The following LAMA2 variants were observed in gnomAD, a reference collection of about 807,000 sequenced individuals.
The protein encoded by LAMA2 is laminin subunit alpha-2.
A neutral mutation model predicts 364.8 loss-of-function variants in LAMA2; 269 were observed. The ratio of observed to expected loss-of-function variants is 0.74; its 90% CI spans 0.67 to 0.82. LAMA2 has a LOEUF of 0.82. Among genes scored for constraint, LAMA2 ranks in the 40% least tolerant of loss-of-function variants. LAMA2 has a pLI of 0.00. For missense variants in LAMA2, 3,807 were observed against 3,873.2 expected (o/e 0.98, Z 0.45); for synonymous variants, 1,379 against 1,370.6 (o/e 1.01, Z -0.14).
Position 129,297,856 on chromosome 6 carries a change from G to C in LAMA2, c.3028G>C (p.Gly1010Arg). Reference protein sequence around the residue: ...AHGYFNFQEGGCTACECSHLG... With the variant: ...AHGYFNFQEGRCTACECSHLG... ...CGGCTATTTCAACTTCCAAGAAGGA[G>C]GCTGCACAGGTCTGTAAATATGACT... The change falls in exon 21 of 65, where the codon GGC becomes CGC. Residue 1010 changes from glycine (G) to arginine (R), a missense_variant. This residue lies in a region of LAMA2 where 3,333 missense variants were observed against 3,345.7 expected (regional missense o/e 1.00). Transcript: ENST00000421865. The C allele has an allele frequency of 6.2e-7, 1 of 1,613,614 alleles. No individual in the cohort carries two copies. Among genetic ancestry groups the C allele is most frequent in the Non-Finnish European group, 8.5e-7 (1 of 1,179,772 alleles).
chr6:129,330,185 G>C (rs756574809), intron 29 of LAMA2, among the ~76,000 whole-genome samples: 17 of 151,818 alleles, frequency 1.1e-4, no homozygotes, highest in Admixed American at 2.6e-4. Flanking sequence ...AATAATAATA[G>C]ATAGTAATAA....
Position 129,059,809 on chromosome 6 carries a change from T to C in LAMA2, c.309T>C (p.Ile103=). 1 of 1,608,808 alleles carries C rather than the reference T, an allele frequency of 6.2e-7. No homozygotes were observed. Among genetic ancestry groups the C allele is most frequent in the Non-Finnish European group, 8.5e-7 (1 of 1,175,200 alleles). Residue 103 remains isoleucine (I), a synonymous_variant, in exon 3 of 65, where the codon ATT becomes ATC. Transcript: ENST00000421865. ...PNQRHPITNA[I]DGKNTWWQSP... ...AGAGACACCCGATTACAAATGCTAT[T>C]GATGGAAAGAACACTTGGTGGCAGA...
In LAMA2 at chr6:129,473,177, C is replaced by T. The variant is rs1177344966; in HGVS notation, c.7301-37C>T. On this transcript the variant is annotated intron_variant, in intron 51 of 64. Transcript: ENST00000421865. The stretch of plus-strand genomic sequence containing the variant: ...GATGATATAGATGTGGTTGATATTG[C>T]TCAAATAAAATGTTAAACTTTCTTT... 11 of 1,521,030 alleles carry T rather than the reference C, an allele frequency of 7.2e-6. No individual in the cohort carries two copies. The South Asian group carries it at 1.2e-4, about 17-fold the overall frequency. The allele number at this position is 1,521,030 out of a possible 1,614,324, so 94.2% of individuals were successfully genotyped here.
At chr6:129,168,132 G>A (rs1441149959) in intron 9 of LAMA2, among the ~76,000 whole-genome samples, 3 of 141,352 alleles carry the variant, frequency 2.1e-5, no homozygotes, top group South Asian at 4.7e-4. Flanking sequence ...CACTCTGATG[G>A]TAGTTTCTTT....
At chr6:129,501,178 G>C (rs953489301) in intron 58 of LAMA2, among the ~76,000 whole-genome samples, 7 of 152,184 alleles carry the variant, frequency 4.6e-5, no homozygotes, top group Admixed American at 4.6e-4. Context: ...TCTATTAATA[G>C]AAGTATTCAT....
intron 34 of LAMA2, among the ~76,000 whole-genome samples, chr6:129,382,707 C>A (rs368449678): frequency 6.6e-6 from 1 of 152,158 alleles, no homozygotes; most frequent in Non-Finnish European, 1.5e-5. Flanking sequence ...AGGCAGACAG[C>A]CTGTTTGTCT....
At chr6:129,252,359 G>A in intron 14 of LAMA2, 64 bp downstream of exon 14, 2 of 1,257,410 alleles carry the variant, frequency 1.6e-6, no homozygotes, top group Non-Finnish European at 2.3e-6. Flanking sequence ...TGCAGGAGCC[G>A]CCCCAGGAGT....
In LAMA2 at chr6:129,478,763, A is replaced by G; in HGVS notation, c.7522A>G (p.Ile2508Val). ...TGAAATTTCAAGAACTCCGTACAAT[A>G]TACTCAGTAGTCCCGATTATGTTGG... ...DIEISRTPYNILSSPDYVGVT... is the reference protein window; with the variant it reads ...DIEISRTPYNVLSSPDYVGVT... Residue 2508 changes from isoleucine (I) to valine (V), a missense_variant, in exon 54 of 65, where the codon ATA (isoleucine) becomes GTA (valine). By Grantham distance (29) the Ile-to-Val change is conservative. Around this residue, in one of 3 missense-constraint regions of LAMA2, gnomAD observed 3,333 missense variants for 3,345.7 expected, o/e 1.00. Coordinates refer to ENST00000421865, the MANE Select transcript of LAMA2 (RefSeq NM_000426.4). 6.2e-7 allele frequency: 1 copy of G among 1,612,844 alleles called. No homozygotes were observed. The highest frequency in any genetic ancestry group is 1.7e-4 in the Middle Eastern group (1 of 6,058).
At chr6:129,363,972 C>G (rs1455227245) in intron 32 of LAMA2, among the ~76,000 whole-genome samples, 1 of 152,286 alleles carries the variant, frequency 6.6e-6, no homozygotes, top group East Asian at 1.9e-4. Context: ...TGGTTTCATT[C>G]TGGCTAGGAG....
chr6:129,213,815 T>C (rs1274657976), intron 12 of LAMA2, among the ~76,000 whole-genome samples: 2 of 152,218 alleles, frequency 1.3e-5, no homozygotes, highest in East Asian at 1.9e-4. Flanking sequence ...GTTTCTCTTA[T>C]TCTCTTCACA....
chr6:128,904,950 T>C (rs1227322513), intron 1 of LAMA2, among the ~76,000 whole-genome samples: 2 of 152,210 alleles, frequency 1.3e-5, no homozygotes, highest in Non-Finnish European at 2.9e-5. Flanking sequence ...AAGATGCATA[T>C]GGTTTTCTTT....
chr6:129,425,769 C>A (rs1047507055), intron 40 of LAMA2, among the ~76,000 whole-genome samples: 1 of 152,042 alleles, frequency 6.6e-6, no homozygotes, highest in African/African-American at 2.4e-5. Context: ...TGATTGCATT[C>A]GTTTTATGAC....
intron 40 of LAMA2, among the ~76,000 whole-genome samples, chr6:129,423,384 CA>C (rs1781174157): frequency 6.6e-6 from 1 of 151,850 alleles, no homozygotes; most frequent in South Asian, 2.1e-4. Context: ...TGTTTTTATT[CA>C]CAGATACTAT....
intron 3 of LAMA2, among the ~76,000 whole-genome samples, chr6:129,084,105 C>T (rs979591985): frequency 3.3e-5 from 5 of 152,114 alleles, no homozygotes; most frequent in African/African-American, 1.2e-4. Flanking sequence ...TAATATGTCA[C>T]TCTGTGGTCT....
intron 40 of LAMA2, among the ~76,000 whole-genome samples, chr6:129,405,910 C>G (rs527777257): frequency 6.6e-6 from 1 of 152,004 alleles, no homozygotes; most frequent in African/African-American, 2.4e-5. Flanking sequence ...ACAGAAGAGT[C>G]CTCTACTCCT....
intron 9 of LAMA2, among the ~76,000 whole-genome samples, chr6:129,174,023 C>G (rs2115009894): frequency 6.6e-6 from 1 of 152,076 alleles, no homozygotes; most frequent in Admixed American, 6.5e-5. Flanking sequence ...TTGATAATTT[C>G]TAGTGCACAA....
intron 1 of LAMA2, among the ~76,000 whole-genome samples, chr6:129,013,416 G>C (rs777561719): frequency 6.6e-6 from 1 of 151,058 alleles, no homozygotes; most frequent in Non-Finnish European, 1.5e-5. Context: ...CGGCCTGGGC[G>C]AAAGAGAGAG....
chr6:128,949,826 A>G (rs943175898), intron 1 of LAMA2, among the ~76,000 whole-genome samples: 1 of 152,346 alleles, frequency 6.6e-6, no homozygotes, highest in Non-Finnish European at 1.5e-5. Flanking sequence ...ATTTTTAAAC[A>G]TAAGGGCATA....
rs1230439012 is a variant in LAMA2, at chr6:128,905,358, C to T, written c.112+22001C>T. On this transcript the variant is annotated intron_variant, in intron 1 of 64. Coordinates refer to ENST00000421865, the MANE Select transcript of LAMA2 (RefSeq NM_000426.4). ...GAGTTTAAACCTCTTACCTCCATTT[C>T]ACTTTCCTAAATTTTAACTATTTTT... 3.9e-5 allele frequency: 6 copies of T among 152,114 alleles called. No homozygotes were observed. In the East Asian group the frequency reaches 1.2e-3, roughly 29 times the overall value. The allele number at this position is 152,114 out of a possible 1,614,324, so 9.4% of individuals were successfully genotyped here. A position where few individuals can be genotyped will look rare whatever the true frequency, so the allele number is the denominator to read the frequency against.
Sources: allele counts gnomAD v4.1 joint callset (sites outside exome capture counted in the v4.1 genomes callset), GRCh38; gene constraint gnomAD v4.1.1; regional missense constraint gnomAD v4.1.1; transcripts MANE v1.5; gene names NCBI Gene and HGNC (gene_info 2026-07-23, HGNC 2026-07-21).